Variants in UGT1A5 observed in about 807,000 individuals in gnomAD.
UGT1A5 encodes the protein UDP glucuronosyltransferase family 1 member A5.
A neutral mutation model predicts 40.3 loss-of-function variants in UGT1A5; 29 were observed. That is an observed-to-expected ratio of 0.72 (90% CI 0.54 to 0.98). The LOEUF is 0.98. Among genes scored for constraint, UGT1A5 ranks in the 50% least tolerant of loss-of-function variants. UGT1A5 has a pLI of 0.00. For synonymous variants in UGT1A5, 257 were observed against 262.5 expected (o/e 0.98, Z 0.20); for missense variants, 678 against 677.9 (o/e 1.00, Z 0.00).
intron 1 of UGT1A5, chr2:233,743,992 A>G: frequency 1.6e-6 from 2 of 1,255,210 alleles, no homozygotes; most frequent in South Asian, 1.3e-5. Context: ...CGCAGGCCCG[A>G]GTGCTCGGAG....
intron 1 of UGT1A5, among the ~76,000 whole-genome samples, chr2:233,723,421 G>T (rs2077083067): frequency 7.4e-6 from 1 of 135,012 alleles, no homozygotes; most frequent in South Asian, 2.8e-4. Context: ...TACTGGTCAG[G>T]CTGGTCTCGA....
intron 1 of UGT1A5, among the ~76,000 whole-genome samples, chr2:233,753,821 G>A (rs1406442938): frequency 6.6e-6 from 1 of 152,104 alleles, no homozygotes; most frequent in African/African-American, 2.4e-5. Flanking sequence ...ACCACGTTAG[G>A]GCTGAAGACA....
At chr2:233,717,606 A>G (rs1201651374) in intron 1 of UGT1A5, among the ~76,000 whole-genome samples, 2 of 152,238 alleles carry the variant, frequency 1.3e-5, no homozygotes, top group Admixed American at 6.5e-5. Context: ...GAAAGTGGGC[A>G]CAGCCCAGAG....
chr2:233,752,891 G>A (rs76026343), intron 1 of UGT1A5, among the ~76,000 whole-genome samples: 3,078 of 152,286 alleles, frequency 0.02, 63 homozygotes, highest in Non-Finnish European at 0.029. Context: ...ACTAGCCAGC[G>A]TTGTTACAGA....
intron 1 of UGT1A5, chr2:233,718,659 T>G: frequency 6.5e-7 from 1 of 1,530,752 alleles, no homozygotes; most frequent in Non-Finnish European, 8.8e-7. Flanking sequence ...CGAAAGGCAG[T>G]TATAGATTAA....
chr2:233,757,311 G>T (rs1320628354), intron 1 of UGT1A5, among the ~76,000 whole-genome samples: 1 of 149,170 alleles, frequency 6.7e-6, no homozygotes, highest in Non-Finnish European at 1.5e-5. Context: ...GGGACAGGGG[G>T]GCTGGGGCCC....
At chr2:233,720,401 G>T (rs2076855672) in intron 1 of UGT1A5, among the ~76,000 whole-genome samples, 1 of 152,026 alleles carries the variant, frequency 6.6e-6, no homozygotes, top group African/African-American at 2.4e-5. Flanking sequence ...ATCAAGAGTG[G>T]GTGGAAGGGA....
intron 1 of UGT1A5, chr2:233,719,180 A>G (rs778527211): frequency 1.6e-5 from 26 of 1,614,056 alleles, no homozygotes; most frequent in Admixed American, 1.3e-4. Flanking sequence ...TGAACAATGT[A>G]TCTTTGGCCC....
At position 233,739,969 on chromosome 2, in the gene UGT1A5, C is replaced by T. The variant is rs1048693209; in HGVS notation, c.867+26111C>T. Among the ~76,000 whole-genome samples, 3 of 151,864 alleles carry T rather than the reference C, an allele frequency of 2.0e-5. No homozygotes were observed. In the East Asian group the frequency reaches 5.8e-4, roughly 29 times the overall value. ...CTGGTGGGAGCTGATTGAATCATAT[C>T]GGCAGTTTTCCCCATGCTGTTCTTG... On this transcript the variant is annotated intron_variant, in intron 1 of 4. Coordinates refer to ENST00000373414, the MANE Select transcript of UGT1A5 (RefSeq NM_019078.2).
At chr2:233,729,219 G>A in intron 1 of UGT1A5, 1 of 1,614,156 alleles carries the variant, frequency 6.2e-7, no homozygotes, top group Non-Finnish European at 8.5e-7. Context: ...GTGGAAAGGT[G>A]TTGGTGGTGC....
chr2:233,769,741 GCCACTC>G lies in UGT1A5; in HGVS notation c.1307+1303_1307+1308del. The G allele has an allele frequency of 6.9e-7, 1 of 1,452,214 alleles. No individual in the cohort carries two copies. Among genetic ancestry groups the G allele is most frequent in the Non-Finnish European group, 9.1e-7 (1 of 1,101,348 alleles). 90.0% of individuals were successfully genotyped at this position (1,452,214 alleles called of 1,614,324 possible). On this transcript the variant is annotated intron_variant, in intron 4 of 4. Coordinates refer to ENST00000373414, the MANE Select transcript of UGT1A5 (RefSeq NM_019078.2). The surrounding 1 kb of genome is among the most constrained non-coding windows in gnomAD (Gnocchi z 4.4). ...ACCATGGCACACGCCTGTAGTCCCA[GCCACTC>G]TGGAGGCTAAGGCGGGAGGATTGCT... is the stretch of plus-strand genomic sequence containing the variant.
intron 1 of UGT1A5, chr2:233,729,425 A>G (rs1461557828): frequency 6.2e-7 from 1 of 1,613,834 alleles, no homozygotes. Flanking sequence ...ACTCAACTGT[A>G]CTTTGAAACA....
intron 1 of UGT1A5, among the ~76,000 whole-genome samples, chr2:233,737,339 C>T (rs1412051076): frequency 6.6e-6 from 1 of 152,240 alleles, no homozygotes; most frequent in Non-Finnish European, 1.5e-5. Context: ...GAGCAAGGCT[C>T]CGTGGGCATG....
intron 1 of UGT1A5, among the ~76,000 whole-genome samples, chr2:233,735,346 T>G (rs559111340): frequency 6.6e-6 from 1 of 152,330 alleles, no homozygotes; most frequent in African/African-American, 2.4e-5. Flanking sequence ...GCTTTTTTTT[T>G]GCTTTCCATT....
chr2:233,748,112 C>G (rs879064318), intron 1 of UGT1A5: 2 of 1,611,964 alleles, frequency 1.2e-6, no homozygotes, highest in South Asian at 2.2e-5. Context: ...AATCAATGTT[C>G]CAGGCAAAAC....
chr2:233,747,879 C>A (rs186049008), intron 1 of UGT1A5: 15 of 1,613,516 alleles, frequency 9.3e-6, no homozygotes, highest in African/African-American at 4.0e-5. Context: ...CCTGTCCTAC[C>A]TTTGCCATGC....
rs541532523 is a variant in UGT1A5, at chr2:233,772,760, G to A, written c.*201G>A. The A allele has an allele frequency of 2.4e-5, 33 of 1,393,894 alleles. No homozygotes were observed. The South Asian group carries it at 2.9e-4, about 12-fold the overall frequency. The allele number at this position is 1,393,894 out of a possible 1,614,324, so 86.3% of individuals were successfully genotyped here. A position where few individuals can be genotyped will look rare whatever the true frequency, so the allele number is the denominator to read the frequency against. On this transcript the variant is annotated 3_prime_UTR_variant, in exon 5 of 5. Transcript: ENST00000373414. ...CAGTAAAGATATTTGAATATGTATC[G>A]TGCCCCCTCTGGTGTCTTTGATCAG...
chr2:233,743,355 G>T, intron 1 of UGT1A5: 1 of 979,806 alleles, frequency 1.0e-6, no homozygotes, highest in South Asian at 1.3e-5. Context: ...ACATGGACTT[G>T]AAGCTGCCTG....
intron 1 of UGT1A5, chr2:233,743,961 G>C (rs1220735729): frequency 1.5e-6 from 2 of 1,333,366 alleles, no homozygotes; most frequent in East Asian, 4.6e-5. Context: ...ACAGCGAGCG[G>C]CAAGGCTGCC....
Sources: gnomAD v4.1 joint callset for allele counts (sites outside exome capture counted in the v4.1 genomes callset) on GRCh38, gnomAD v4.1.1 for gene constraint, Gnocchi (gnomAD v3.1) non-coding constraint, MANE v1.5 for transcripts, NCBI Gene and HGNC (gene_info 2026-07-23, HGNC 2026-07-21) for gene names.